Variants in TAF5 observed in about 807,000 individuals in gnomAD.
TAF5 encodes the protein transcription initiation factor TFIID subunit 5.
A neutral mutation model predicts 80.9 loss-of-function variants in TAF5; 20 were observed. The ratio of observed to expected loss-of-function variants is 0.25; its 90% CI spans 0.17 to 0.36. TAF5 has a LOEUF of 0.36. TAF5 is among the 10% of genes least tolerant of loss of function. The pLI is 1.00. For synonymous variants in TAF5, 388 were observed against 406.4 expected (o/e 0.95, Z 0.55); for missense variants, 863 against 1,029.4 (o/e 0.84, Z 2.21).
intron 7 of TAF5, among the ~76,000 whole-genome samples, chr10:103,384,238 T>G (rs2093390414): frequency 6.6e-6 from 1 of 152,204 alleles, no homozygotes; most frequent in Admixed American, 6.5e-5. Context: ...TCATCCTATG[T>G]GTATAGGTAT....
At chr10:103,382,510 C>T (rs1029961793) in intron 6 of TAF5, among the ~76,000 whole-genome samples, 1 of 152,152 alleles carries the variant, frequency 6.6e-6, no homozygotes, top group African/African-American at 2.4e-5. Context: ...AGGTGGCTCA[C>T]TGCAACCTCC....
In TAF5 at chr10:103,379,655, T is replaced by G. The variant is rs2093377671; in HGVS notation, c.1161T>G (p.Asp387Glu). Residue 387 changes from aspartate (D) to glutamate (E), a missense_variant, in exon 4 of 11, where the codon GAT (aspartate) becomes GAG (glutamate). Coordinates refer to ENST00000369839, the MANE Select transcript of TAF5 (RefSeq NM_006951.5). ...AACCAGAAATTGAGGTACCTTTGGA[T>G]GACGAGGATGAAGAGGGAGAAAATG... Reference protein sequence around the residue: ...LKEPEIEVPLDDEDEEGENEE... With the variant: ...LKEPEIEVPLEDEDEEGENEE... The G allele has an allele frequency of 6.2e-7, 1 of 1,606,130 alleles. No homozygotes were observed. The highest frequency in any genetic ancestry group is 1.7e-5 in the Admixed American group (1 of 58,262).
chr10:103,370,521 G>T (rs1026407701), intron 1 of TAF5, among the ~76,000 whole-genome samples: 1 of 151,636 alleles, frequency 6.6e-6, no homozygotes, highest in East Asian at 2.0e-4. Flanking sequence ...TAGAGACGGG[G>T]TTTCACCGTG....
At position 103,368,030 on chromosome 10, in the gene TAF5, A is replaced by G; in HGVS notation, c.41A>G (p.Lys14Arg). The G allele has an allele frequency of 6.8e-7, 1 of 1,465,520 alleles. No individual in the cohort carries two copies. The highest frequency in any genetic ancestry group is 1.3e-5 in the South Asian group (1 of 75,814). 90.8% of individuals were successfully genotyped at this position (1,465,520 alleles called of 1,614,324 possible). A position where few individuals can be genotyped will look rare whatever the true frequency, so the allele number is the denominator to read the frequency against. ...LAEEQTEVAVKLEPEGPPTLL... is the reference protein window; with the variant it reads ...LAEEQTEVAVRLEPEGPPTLL... ...GAGGAGCAGACGGAGGTGGCGGTCA[A>G]GCTAGAGCCTGAGGGACCGCCAACG... Residue 14 changes from lysine to arginine, a missense_variant, in exon 1 of 11, where the codon AAG becomes AGG. Transcript: ENST00000369839.
At chr10:103,379,532 TTTATC>T (rs2093377338) in intron 3 of TAF5, 71 bp from the exon 4 acceptor site, 2 of 1,239,584 alleles carry the variant, frequency 1.6e-6, no homozygotes, top group Non-Finnish European at 2.2e-6. Context: ...GTAATTGTGA[TTTATC>T]CTATCAAGAT....
At chr10:103,381,970 A>G in intron 6 of TAF5, 129 bp downstream of exon 6, 1 of 1,302,814 alleles carries the variant, frequency 7.7e-7, no homozygotes, top group Non-Finnish European at 1.1e-6. Context: ...TCAAGATTCT[A>G]ACATTCCCAA....
chr10:103,368,609 G>T, intron 1 of TAF5, 61 bp downstream of exon 1: 2 of 1,435,224 alleles, frequency 1.4e-6, no homozygotes, highest in South Asian at 1.5e-5. Flanking sequence ...CGGTAAGGCA[G>T]GGGCTGGCAG....
rs1451690267 is a variant in TAF5, at chr10:103,378,791, G to A, written c.1113+241G>A. On this transcript the variant is annotated intron_variant, in intron 3 of 10. Transcript: ENST00000369839. The surrounding 1 kb of genome is among the most constrained non-coding windows in gnomAD (Gnocchi z 4.1). ...TCCTGCCTCAGCTTCCCGAGTAGCTGGGATTAGAGGCACACGCCACCAACC... is the reference window on the plus strand; with the variant it reads ...TCCTGCCTCAGCTTCCCGAGTAGCTAGGATTAGAGGCACACGCCACCAACC... 2.6e-5 allele frequency among the ~76,000 whole-genome samples: 4 copies of A among 152,022 alleles called. No homozygotes were observed. Among genetic ancestry groups the A allele is most frequent in the Admixed American group, 2.6e-4 (4 of 15,238 alleles).
At chr10:103,381,196 G>A (rs894372607) in intron 5 of TAF5, among the ~76,000 whole-genome samples, 16 of 152,122 alleles carry the variant, frequency 1.1e-4, no homozygotes, top group African/African-American at 3.9e-4. Context: ...CAATCCACCC[G>A]CCTCAGCCTC....
chr10:103,380,438 T>TA (rs1197016955), intron 5 of TAF5, among the ~76,000 whole-genome samples: 1 of 152,012 alleles, frequency 6.6e-6, no homozygotes, highest in Non-Finnish European at 1.5e-5. Flanking sequence ...CCTAAACTCT[T>TA]ATACAATTTA....
chr10:103,372,901 G>GAA (rs1262710385), intron 1 of TAF5, among the ~76,000 whole-genome samples: 1 of 133,416 alleles, frequency 7.5e-6, no homozygotes, highest in Non-Finnish European at 1.6e-5. Flanking sequence ...ATCTTAAAAA[G>GAA]AAAAAAAAAA....
chr10:103,382,980 A>C (rs1231414659), intron 6 of TAF5, among the ~76,000 whole-genome samples: 1 of 152,176 alleles, frequency 6.6e-6, no homozygotes, highest in Admixed American at 6.5e-5. Context: ...ACTGTGGCAT[A>C]GTGGGCAAAA....
At chr10:103,370,051 G>A (rs1392701598) in intron 1 of TAF5, among the ~76,000 whole-genome samples, 1 of 151,572 alleles carries the variant, frequency 6.6e-6, no homozygotes, top group African/African-American at 2.4e-5. Flanking sequence ...GGCCGACATG[G>A]CGAAACCCCC....
intron 8 of TAF5, among the ~76,000 whole-genome samples, chr10:103,386,663 C>CA (rs2093397039): frequency 7.8e-6 from 1 of 128,916 alleles, no homozygotes; most frequent in Non-Finnish European, 1.7e-5. Context: ...AAGACCTCAG[C>CA]ATTTTTTTTT....
chr10:103,370,284 A>C (rs890932207), intron 1 of TAF5, among the ~76,000 whole-genome samples: 7 of 144,944 alleles, frequency 4.8e-5, no homozygotes, highest in Non-Finnish European at 9.1e-5. Context: ...GGTCATTCTC[A>C]TGTTGAATTT....
chr10:103,387,933 T>C (rs1362116846), intron 10 of TAF5, 73 bp from the exon 11 acceptor site: 1 of 1,384,974 alleles, frequency 7.2e-7, no homozygotes, highest in Non-Finnish European at 1.0e-6. Context: ...AGTAAATACA[T>C]AGTGTAGTGG....
At position 103,368,069 on chromosome 10, in the gene TAF5, A is replaced by C. The variant is rs2093349123; in HGVS notation, c.80A>C (p.Gln27Pro). The C allele has an allele frequency of 1.4e-6, 2 of 1,431,456 alleles. No individual in the cohort carries two copies. Among genetic ancestry groups the C allele is most frequent in the African/African-American group, 3.0e-5 (2 of 66,544 alleles). The allele number at this position is 1,431,456 out of a possible 1,614,324, so 88.7% of individuals were successfully genotyped here. ...PEGPPTLLPPQAGDGAGEGSG... is the reference protein window; with the variant it reads ...PEGPPTLLPPPAGDGAGEGSG... ...GGACCGCCAACGCTGCTACCTCCGC[A>C]GGCGGGGGACGGCGCAGGCGAGGGT... Residue 27 changes from glutamine (Q) to proline (P), a missense_variant, in exon 1 of 11, where the codon CAG becomes CCG. Transcript: ENST00000369839.
rs746912866 is a variant in TAF5 at position 103,385,401 on chromosome 10, A to C, written c.1740A>C (p.Gly580=). 3.1e-6 allele frequency: 5 copies of C among 1,613,842 alleles called. No individual in the cohort carries two copies. In the South Asian group the frequency reaches 5.5e-5, roughly 18 times the overall value. Residue 580 remains glycine, a synonymous_variant, in exon 8 of 11, where the codon GGA becomes GGC. Coordinates refer to ENST00000369839, the MANE Select transcript of TAF5 (RefSeq NM_006951.5). Reference sequence around the variant, plus strand: ...TTCAAACATTTACTTGTTTGGTGGGATATAAAGGACACAACTATCCAGTAT... The same window carrying C: ...TTCAAACATTTACTTGTTTGGTGGGCTATAAAGGACACAACTATCCAGTAT... The part of the protein sequence containing the change: ...WSLQTFTCLV[G]YKGHNYPVWD...
intron 7 of TAF5, 21 bp from the exon 8 acceptor site, chr10:103,385,305 T>G: frequency 6.3e-7 from 1 of 1,590,318 alleles, no homozygotes; most frequent in African/African-American, 1.3e-5. Context: ...GAGTCAAATA[T>G]ATCACCTTCT....
Sources: allele counts gnomAD v4.1 joint callset (sites outside exome capture counted in the v4.1 genomes callset), GRCh38; gene constraint gnomAD v4.1.1; non-coding constraint Gnocchi (gnomAD v3.1); transcripts MANE v1.5; gene names NCBI Gene and HGNC (gene_info 2026-07-23, HGNC 2026-07-21).